The following HECW1 variants were observed in gnomAD, a reference collection of about 807,000 sequenced individuals.
The protein encoded by HECW1 is E3 ubiquitin-protein ligase HECW1.
A neutral mutation model predicts 182.3 loss-of-function variants in HECW1; 61 were observed. The observed-to-expected ratio is 0.33, with a 90% CI of 0.27 to 0.41. HECW1 has a LOEUF of 0.41. Among genes scored for constraint, HECW1 ranks in the 10% least tolerant of loss-of-function variants. The pLI is 1.00. For synonymous variants in HECW1, 859 were observed against 832.6 expected, an observed-to-expected ratio of 1.03 and a Z score of -0.55; for missense variants, 1,739 against 2,108.9, an observed-to-expected ratio of 0.82 and a Z score of 3.44.
intron 2 of HECW1, among the ~76,000 whole-genome samples, chr7:43,188,066 G>A (rs1310929939): frequency 1.3e-5 from 2 of 152,178 alleles, no homozygotes; most frequent in African/African-American, 4.8e-5. Context: ...GATGACAGGA[G>A]TGGCTTACCT....
rs75117792 is a variant in HECW1, at chr7:43,171,429, G to A, written c.-32+57038G>A. The stretch of plus-strand genomic sequence containing the variant: ...GTTCTTGCTCAAAGCTTGAATGAAC[G>A]TTGAAAAGTTTGGGCATCACACTTT... On this transcript the variant is annotated intron_variant, in intron 2 of 29. Transcript: ENST00000395891. 3.1e-3 allele frequency among the ~76,000 whole-genome samples: 470 copies of A among 152,256 alleles called. 1 individual carries two copies. Among genetic ancestry groups the A allele is most frequent in the African/African-American group, 0.011 (453 of 41,550 alleles).
intron 2 of HECW1, among the ~76,000 whole-genome samples, chr7:43,176,657 CT>C (rs1444825056): frequency 3.3e-5 from 5 of 152,186 alleles, no homozygotes; most frequent in African/African-American, 1.2e-4. Flanking sequence ...ATCCATTAAT[CT>C]ACTAAATCAT....
intron 24 of HECW1, among the ~76,000 whole-genome samples, chr7:43,527,486 C>G (rs1019141924): frequency 1.3e-5 from 2 of 152,214 alleles, no homozygotes; most frequent in South Asian, 4.1e-4. Context: ...TCATCGGTTC[C>G]TGTGTCCTCT....
chr7:43,312,323 G>T (rs1808637218), intron 4 of HECW1, among the ~76,000 whole-genome samples: 1 of 152,174 alleles, frequency 6.6e-6, no homozygotes, highest in Non-Finnish European at 1.5e-5. Context: ...GTCAGGTGTG[G>T]TTAAACACAA....
At chr7:43,121,127 T>A (rs1785567189) in intron 2 of HECW1, among the ~76,000 whole-genome samples, 1 of 152,122 alleles carries the variant, frequency 6.6e-6, no homozygotes, top group South Asian at 2.1e-4. Flanking sequence ...ACTTCCGTGT[T>A]TTTCTCCTGG....
At chr7:43,324,041 G>A (rs5883861) in intron 5 of HECW1, among the ~76,000 whole-genome samples, 7 of 150,242 alleles carry the variant, frequency 4.7e-5, no homozygotes, top group Non-Finnish European at 5.9e-5. Flanking sequence ...TCTCAAAAAA[G>A]AAAAAAAAAG....
At chr7:43,298,057 G>C (rs1338930711) in intron 3 of HECW1, among the ~76,000 whole-genome samples, 1 of 152,136 alleles carries the variant, frequency 6.6e-6, no homozygotes, top group Non-Finnish European at 1.5e-5. Flanking sequence ...AGGGTGACAG[G>C]GTGAGACCCT....
At chr7:43,507,032 T>C in intron 21 of HECW1, 105 bp from the exon 22 acceptor site, 1 of 1,382,024 alleles carries the variant, frequency 7.2e-7, no homozygotes, top group East Asian at 2.7e-5. Context: ...AGCACACCAC[T>C]GCACTCCAGC....
intron 6 of HECW1, among the ~76,000 whole-genome samples, chr7:43,382,814 G>GTGTAAA (rs2074611110): frequency 2.0e-5 from 3 of 152,294 alleles, no homozygotes; most frequent in South Asian, 4.1e-4. Context: ...TGCTAAACAT[G>GTGTAAA]CAGGTTTGTT....
At chr7:43,507,081 A>AAAGAAG (rs546649258) in intron 21 of HECW1, 56 bp from the exon 22 acceptor site, 41 of 1,575,978 alleles carry the variant, frequency 2.6e-5, no homozygotes, top group South Asian at 5.8e-5. Flanking sequence ...AAAAAGAAAA[A>AAAGAAG]AAGAAGAAGA....
chr7:43,240,761 C>A (rs574811072), intron 2 of HECW1, among the ~76,000 whole-genome samples: 1 of 152,278 alleles, frequency 6.6e-6, no homozygotes, highest in South Asian at 2.1e-4. Context: ...ATTCACAGGG[C>A]TTTAGAGAGG....
chr7:43,301,888 AAAG>A (rs1296377094), intron 3 of HECW1, among the ~76,000 whole-genome samples: 2 of 151,810 alleles, frequency 1.3e-5, no homozygotes, highest in Non-Finnish European at 2.9e-5. Flanking sequence ...AAAAAAAAAA[AAAG>A]AAGCAGGAGA....
intron 8 of HECW1, among the ~76,000 whole-genome samples, chr7:43,430,111 G>C (rs543726165): frequency 6.8e-4 from 104 of 152,230 alleles, no homozygotes; most frequent in Non-Finnish European, 1.2e-3. Flanking sequence ...GTGCATAAAT[G>C]AATCACTATA....
intron 21 of HECW1, among the ~76,000 whole-genome samples, chr7:43,504,013 G>A (rs746048180): frequency 6.6e-6 from 1 of 152,034 alleles, no homozygotes. Context: ...GGTAGGCGGG[G>A]CCCCAACGCT....
At chr7:43,531,346 G>A (rs1408468042) in intron 24 of HECW1, among the ~76,000 whole-genome samples, 1 of 152,122 alleles carries the variant, frequency 6.6e-6, no homozygotes, top group African/African-American at 2.4e-5. Flanking sequence ...TTGCTCTGTG[G>A]TGATGAGATA....
rs1225169500 is a variant in HECW1 at position 43,374,603 on chromosome 7, T to A, written c.555+13623T>A. Reference sequence around the variant, plus strand: ...TCCCGGCTAAAACGGTGAAACCCCGTCTCTACTAAAAATACAAAAAATTAG... The same window carrying A: ...TCCCGGCTAAAACGGTGAAACCCCGACTCTACTAAAAATACAAAAAATTAG... On this transcript the variant is annotated intron_variant, in intron 6 of 29. Coordinates refer to ENST00000395891, the MANE Select transcript of HECW1 (RefSeq NM_015052.5). Among the ~76,000 whole-genome samples, 13 of 55,100 alleles carry A rather than the reference T, an allele frequency of 2.4e-4. 4 individuals carry two copies. The highest frequency in any genetic ancestry group is 0.01 in the Middle Eastern group (1 of 100). 36.1% of individuals were successfully genotyped at this position (55,100 alleles called of 152,430 possible).
At chr7:43,540,468 T>A (rs1204398097) in intron 24 of HECW1, among the ~76,000 whole-genome samples, 1 of 152,226 alleles carries the variant, frequency 6.6e-6, no homozygotes, top group Admixed American at 6.5e-5. Context: ...CTAAGCAGGT[T>A]ACTTGCAAAA....
At chr7:43,500,970 G>A (rs1469105632) in intron 20 of HECW1, among the ~76,000 whole-genome samples, 188 bp downstream of exon 20, 1 of 152,186 alleles carries the variant, frequency 6.6e-6, no homozygotes, top group Non-Finnish European at 1.5e-5. Flanking sequence ...TTGCAATTGA[G>A]CTAGCAAGAG....
chr7:43,541,867 A>C lies in HECW1; in HGVS notation c.4119-2A>C. ...TTTGCCTTTCTCACTGAATTCACCCAGGCCCTGTGATTTGAGTGACCTGGA... is the reference window on the plus strand; with the variant it reads ...TTTGCCTTTCTCACTGAATTCACCCCGGCCCTGTGATTTGAGTGACCTGGA... On this transcript the variant is annotated splice_acceptor_variant, in intron 25 of 29. Coordinates refer to ENST00000395891, the MANE Select transcript of HECW1 (RefSeq NM_015052.5). LOFTEE classifies it high-confidence loss of function. 1 of 1,505,882 alleles carries C rather than the reference A, an allele frequency of 6.6e-7. No homozygotes were observed. Among genetic ancestry groups the C allele is most frequent in the Non-Finnish European group, 8.9e-7 (1 of 1,127,696 alleles). The allele number at this position is 1,505,882 out of a possible 1,614,324, so 93.3% of individuals were successfully genotyped here.
Sources: gnomAD v4.1 joint callset for allele counts (sites outside exome capture counted in the v4.1 genomes callset) on GRCh38, gnomAD v4.1.1 for gene constraint, MANE v1.5 for transcripts, NCBI Gene and HGNC (gene_info 2026-07-23, HGNC 2026-07-21) for gene names.